TIAM1: variants seen among roughly 807,000 people sequenced by gnomAD.
TIAM1 encodes rho guanine nucleotide exchange factor TIAM1.
Under a neutral mutation model 163.5 loss-of-function variants are expected in TIAM1, and 65 were observed. The ratio of observed to expected loss-of-function variants is 0.40; its 90% CI spans 0.33 to 0.49. TIAM1 has a LOEUF of 0.49. Ranked by LOEUF, TIAM1 falls within the 20% of genes least tolerant of loss-of-function variation. The pLI is 0.77. For missense variants in TIAM1, 1,789 were observed against 2,044.7 expected, an observed-to-expected ratio of 0.87 and a Z score of 2.41; for synonymous variants, 833 against 810.1, an observed-to-expected ratio of 1.03 and a Z score of -0.48.
intron 2 of TIAM1, among the ~76,000 whole-genome samples, chr21:31,305,381 G>GATT (rs1276668828): frequency 6.7e-6 from 1 of 149,038 alleles, no homozygotes; most frequent in African/African-American, 2.5e-5. Context: ...GTAGCAAATA[G>GATT]ATTAGGGAAG....
intron 2 of TIAM1, among the ~76,000 whole-genome samples, chr21:31,362,363 C>G (rs888170022): frequency 6.6e-6 from 1 of 151,748 alleles, no homozygotes; most frequent in Non-Finnish European, 1.5e-5. Flanking sequence ...CCACACTGAG[C>G]CCAGAGATTC....
chr21:31,338,076 C>T (rs2075901770), intron 2 of TIAM1, among the ~76,000 whole-genome samples: 1 of 152,140 alleles, frequency 6.6e-6, no homozygotes, highest in Admixed American at 6.5e-5. Flanking sequence ...GAGGTTTTAT[C>T]TGCTCCGTGT....
At position 31,182,535 on chromosome 21, in the gene TIAM1, T is replaced by A. The variant is rs139452707; in HGVS notation, c.2773A>T (p.Arg925Trp). The A allele has an allele frequency of 6.4e-5, 104 of 1,613,952 alleles. No homozygotes were observed. The highest frequency in any genetic ancestry group is 8.7e-5 in the Non-Finnish European group (103 of 1,179,976). The change falls in exon 15 of 28, where the codon AGG (arginine) becomes TGG (tryptophan). Residue 925 changes from arginine (R) to tryptophan (W), a missense_variant. Physicochemically the swap from Arg to Trp is moderately radical, Grantham distance 101 (BLOSUM62 -3). Around this residue, in one of 5 missense-constraint regions of TIAM1, gnomAD observed 303 missense variants for 321.3 expected, o/e 0.94. Coordinates refer to ENST00000541036, the MANE Select transcript of TIAM1 (RefSeq NM_001353694.2). ...LSQPSLGLLV[R>W]TYPELEEGVE... ...CCTTCCTCCAGCTCGGGGTAGGTCC[T>A]CACCAGGAGGCCCAGCGAGGGCTGT...
At chr21:31,549,149 CTTTT>C (rs570080181) in intron 1 of TIAM1, among the ~76,000 whole-genome samples, 2 of 152,058 alleles carry the variant, frequency 1.3e-5, no homozygotes, top group Admixed American at 1.3e-4. Context: ...CAAAGTTTTG[CTTTT>C]TTTAAGTGTG....
rs2146186874 is a variant in TIAM1, at chr21:31,118,711, T to C, written c.*1657A>G. The C allele has an allele frequency of 2.1e-6, 1 of 466,982 alleles. No individual in the cohort carries two copies. Among genetic ancestry groups the C allele is most frequent in the African/African-American group, 2.0e-5 (1 of 49,820 alleles). The allele number at this position is 466,982 out of a possible 1,614,324, so 28.9% of individuals were successfully genotyped here. On this transcript the variant is annotated 3_prime_UTR_variant, in exon 28 of 28. Coordinates refer to ENST00000541036, the MANE Select transcript of TIAM1 (RefSeq NM_001353694.2). ...CCGGAGATGATATGGAAAAATGCAG[T>C]GATACAAAGGGTATAGAAACCATTC... is the stretch of plus-strand genomic sequence containing the variant.
At chr21:31,396,429 C>T (rs1204014199) in intron 2 of TIAM1, among the ~76,000 whole-genome samples, 1 of 152,086 alleles carries the variant, frequency 6.6e-6, no homozygotes, top group African/African-American at 2.4e-5. Flanking sequence ...TATCCACTGA[C>T]CACCCTGTCT....
chr21:31,256,075 G>A (rs1475251634), intron 4 of TIAM1, among the ~76,000 whole-genome samples: 1 of 152,150 alleles, frequency 6.6e-6, no homozygotes, highest in Admixed American at 6.5e-5. Context: ...TGAGCTCCCA[G>A]GCTAAAATGA....
intron 9 of TIAM1, among the ~76,000 whole-genome samples, chr21:31,214,116 G>A (rs2146580922): frequency 6.6e-6 from 1 of 152,174 alleles, no homozygotes; most frequent in South Asian, 2.1e-4. Flanking sequence ...CTCCAGCCCA[G>A]GAGTTTGAGA....
intron 2 of TIAM1, among the ~76,000 whole-genome samples, chr21:31,374,228 C>A (rs1433261102): frequency 1.3e-5 from 2 of 152,182 alleles, no homozygotes; most frequent in Admixed American, 1.3e-4. Context: ...AGCTGGTGTG[C>A]AGCGGGCAGG....
At chr21:31,455,279 CAAA>C (rs59134253) in intron 2 of TIAM1, among the ~76,000 whole-genome samples, 878 of 84,046 alleles carry the variant, frequency 0.01, 4 homozygotes, top group African/African-American at 0.033. Flanking sequence ...AACTCTGCCT[CAAA>C]AAAAAAAAAA....
intron 9 of TIAM1, among the ~76,000 whole-genome samples, chr21:31,215,958 C>T (rs1379176904): frequency 3.3e-5 from 5 of 152,096 alleles, no homozygotes; most frequent in African/African-American, 9.7e-5. Context: ...GTCAGGAGTT[C>T]GAGACCAGCC....
intron 2 of TIAM1, among the ~76,000 whole-genome samples, chr21:31,361,115 C>T (rs967127005): frequency 2.6e-5 from 4 of 152,212 alleles, no homozygotes; most frequent in African/African-American, 9.6e-5. Context: ...TGGAACTAAT[C>T]CAAATGATCA....
Position 31,219,755 on chromosome 21 carries a change from A to AAACAAAACG in TIAM1, c.1996-2057_1996-2056insCGTTTTGTT, listed in dbSNP as rs541823065. On this transcript the variant is annotated intron_variant, in intron 8 of 27. Transcript: ENST00000541036. The stretch of plus-strand genomic sequence containing the variant: ...TTAAAAAAACAAAACAAAACAAAAA[A>AAACAAAACG]AAACCCCAGATCAGGGCATAGAAAA... Among the ~76,000 whole-genome samples the AAACAAAACG allele has an allele frequency of 6.9e-4, 105 of 152,224 alleles. 2 individuals carry two copies. In the South Asian group the frequency reaches 0.01, roughly 15 times the overall value.
chr21:31,501,589 T>C (rs2046850803), intron 1 of TIAM1, among the ~76,000 whole-genome samples: 1 of 53,748 alleles, frequency 1.9e-5, no homozygotes, highest in Non-Finnish European at 4.1e-5. Flanking sequence ...AAGTGGTTTT[T>C]GTTTGTTTGT....
At chr21:31,135,640 GAGC>G (rs1386125941) in intron 23 of TIAM1, among the ~76,000 whole-genome samples, 2 of 146,528 alleles carry the variant, frequency 1.4e-5, no homozygotes, top group Non-Finnish European at 3.0e-5. Context: ...AAGACACGCA[GAGC>G]AGCAGCCAAA....
rs200129976 is a variant in TIAM1, at chr21:31,119,107, T to A, written c.*1261A>T. On this transcript the variant is annotated 3_prime_UTR_variant, in exon 28 of 28. Transcript: ENST00000541036. ...AAAGAAAAAGCTATAAACCTTTTTT[T>A]AAAAAAAAAAAAAAAATTGAAAGTG... 0.011 allele frequency: 1,624 copies of A among 146,056 alleles called. 26 individuals carry two copies. The highest frequency in any genetic ancestry group is 0.039 in the South Asian group (176 of 4,522). The allele number at this position is 146,056 out of a possible 1,614,324, so 9.0% of individuals were successfully genotyped here.
chr21:31,325,582 C>T (rs1271902089), intron 2 of TIAM1, among the ~76,000 whole-genome samples: 1 of 151,244 alleles, frequency 6.6e-6, no homozygotes, highest in Non-Finnish European at 1.5e-5. Context: ...GCATGAGAAA[C>T]ACTTGAACCC....
intron 1 of TIAM1, among the ~76,000 whole-genome samples, chr21:31,497,249 A>C (rs73345616): frequency 0.049 from 7,407 of 152,312 alleles, 441 homozygotes; most frequent in African/African-American, 0.14. Flanking sequence ...TTCTCAGAAC[A>C]TATCCCAAGC....
intron 2 of TIAM1, among the ~76,000 whole-genome samples, chr21:31,434,042 C>T (rs1371173341): frequency 1.3e-5 from 2 of 152,150 alleles, no homozygotes; most frequent in African/African-American, 4.8e-5. Flanking sequence ...AAGCGATCCA[C>T]CCACCTCGGC....
Sources: allele counts gnomAD v4.1 joint callset (sites outside exome capture counted in the v4.1 genomes callset), GRCh38; gene constraint gnomAD v4.1.1; regional missense constraint gnomAD v4.1.1; transcripts MANE v1.5; gene names NCBI Gene and HGNC (gene_info 2026-07-23, HGNC 2026-07-21).